Variants in GDAP2 observed in about 807,000 individuals in gnomAD.
GDAP2 encodes the protein ganglioside-induced differentiation-associated protein 2.
GDAP2 carries 51 observed loss-of-function variants against 67.0 expected under a neutral mutation model. The observed-to-expected ratio is 0.76, with a 90% CI of 0.61 to 0.96. GDAP2 has a LOEUF of 0.96. Among genes scored for constraint, GDAP2 ranks in the 40% least tolerant of loss-of-function variants. The probability of loss-of-function intolerance (pLI) is 0.00; values close to 1 mark genes in which losing one functional copy is unlikely to be tolerated. For missense variants in GDAP2, 547 were observed against 588.3 expected, an observed-to-expected ratio of 0.93 and a Z score of 0.73; for synonymous variants, 203 against 207.3, an observed-to-expected ratio of 0.98 and a Z score of 0.18.
At chr1:117,906,078 CTAACTACATA>C (rs1649646188) in intron 6 of GDAP2, among the ~76,000 whole-genome samples, 2 of 152,050 alleles carry the variant, frequency 1.3e-5, no homozygotes, top group South Asian at 4.2e-4. Context: ...TATATTAAAC[CTAACTACATA>C]TAACAAAACA....
rs1338449980 is a variant in GDAP2, at chr1:117,872,695, T to TG, written c.1447-2080dup. On this transcript the variant is annotated intron_variant, in intron 13 of 13. Transcript: ENST00000369443. ...CTTACTGGGGCCTGTTGGGGGAGGGTGGGGGGAGAGCATTAGGGGAATAAG... is the reference window on the plus strand; with the variant it reads ...CTTACTGGGGCCTGTTGGGGGAGGGTGGGGGGGAGAGCATTAGGGGAATAAG... Among the ~76,000 whole-genome samples the TG allele has an allele frequency of 3.6e-4, 20 of 55,350 alleles. No individual in the cohort carries two copies. In the East Asian group the frequency reaches 5.0e-3, roughly 14 times the overall value. The allele number at this position is 55,350 out of a possible 152,430, so 36.3% of individuals were successfully genotyped here. A position where few individuals can be genotyped will look rare whatever the true frequency, so the allele number is the denominator to read the frequency against.
In GDAP2 at chr1:117,912,009, T is replaced by C. The variant is rs1345457954; in HGVS notation, c.544A>G (p.Thr182Ala). ...AKRGYPLEDATHIALRTVRRF... is the reference protein window; with the variant it reads ...AKRGYPLEDAAHIALRTVRRF... ...TATTACTTACGAAGTGCTATGTGTG[T>C]TGCATCCTCTAAAGGATAACCACGT... Residue 182 changes from threonine (T) to alanine (A), a missense_variant, in exon 5 of 14, where the codon ACA becomes GCA. Transcript: ENST00000369443. 6.3e-7 allele frequency: 1 copy of C among 1,580,214 alleles called. No individual in the cohort carries two copies. The highest frequency in any genetic ancestry group is 1.7e-5 in the Admixed American group (1 of 59,922).
chr1:117,920,082 C>G, intron 2 of GDAP2, 100 bp downstream of exon 2: 1 of 681,810 alleles, frequency 1.5e-6, no homozygotes, highest in Non-Finnish European at 2.6e-6. Flanking sequence ...TACGTATACG[C>G]AAAGCTGTAT....
intron 5 of GDAP2, among the ~76,000 whole-genome samples, 199 bp from the exon 6 acceptor site, chr1:117,906,781 G>C (rs760122311): frequency 6.6e-6 from 1 of 152,154 alleles, no homozygotes; most frequent in South Asian, 2.1e-4. Context: ...CAGAGCAACT[G>C]TGATAGACAT....
chr1:117,919,382 A>AG (rs1365172156), intron 2 of GDAP2, among the ~76,000 whole-genome samples: 2 of 152,108 alleles, frequency 1.3e-5, no homozygotes, highest in African/African-American at 4.8e-5. Context: ...AAAAAAAAAA[A>AG]AAAGAATAAA....
intron 1 of GDAP2, among the ~76,000 whole-genome samples, chr1:117,925,144 T>C (rs1396992986): frequency 6.6e-6 from 1 of 152,168 alleles, no homozygotes; most frequent in African/African-American, 2.4e-5. Context: ...AATACATGCT[T>C]ACAGAACATT....
chr1:117,878,902 G>A lies in GDAP2; in HGVS notation c.1303-750C>T, dbSNP rs568808374. ...TCAACATACTATACAATAGTCCTAT[G>A]AGGCAGGTATGATATTGTTGCTATC... is the stretch of plus-strand genomic sequence containing the variant. On this transcript the variant is annotated intron_variant, in intron 12 of 13. Transcript: ENST00000369443. 1.1e-3 allele frequency among the ~76,000 whole-genome samples: 166 copies of A among 152,306 alleles called. 3 individuals are homozygous for A. The highest frequency in any genetic ancestry group is 1.6e-4 in the Non-Finnish European group (11 of 68,034).
Position 117,912,673 on chromosome 1 carries a change from T to C in GDAP2, c.327A>G (p.Thr109=). ...ATCCTTTTGTCAATTTTGCTTCACC[T>C]GTTCGGCACCCTGAAAACAATGGAA... The part of the protein sequence containing the change: ...EDLQKLKGCR[T]GEAKLTKGFN... The change falls in exon 4 of 14, where the codon ACA becomes ACG. Residue 109 remains threonine (T), a synonymous_variant. Transcript: ENST00000369443. 6.2e-7 allele frequency: 1 copy of C among 1,613,246 alleles called. No homozygotes were observed. The highest frequency in any genetic ancestry group is 1.1e-5 in the South Asian group (1 of 91,022).
intron 1 of GDAP2, among the ~76,000 whole-genome samples, chr1:117,927,293 G>C (rs116201652): frequency 0.01 from 1,585 of 151,932 alleles, 26 homozygotes; most frequent in African/African-American, 0.037. Flanking sequence ...TGAATAATTG[G>C]ATTGGCTAGA....
At chr1:117,923,139 C>A (rs1650316109) in intron 1 of GDAP2, among the ~76,000 whole-genome samples, 1 of 152,218 alleles carries the variant, frequency 6.6e-6, no homozygotes, top group Non-Finnish European at 1.5e-5. Flanking sequence ...CCCTGCATCG[C>A]TGTTATCCTG....
chr1:117,890,566 ATTAT>A (rs1649038761), intron 8 of GDAP2, among the ~76,000 whole-genome samples: 1 of 152,038 alleles, frequency 6.6e-6, no homozygotes, highest in Non-Finnish European at 1.5e-5. Context: ...TAGTTATATA[ATTAT>A]TTATCTTTAA....
chr1:117,912,528 A>G lies in GDAP2; in HGVS notation c.470+2T>C, dbSNP rs1357002878. 1 of 1,612,288 alleles carries G rather than the reference A, an allele frequency of 6.2e-7. No individual in the cohort carries two copies. Among genetic ancestry groups the G allele is most frequent in the Non-Finnish European group, 8.5e-7 (1 of 1,178,654 alleles). On this transcript the variant is annotated splice_donor_variant, in intron 4 of 13. Transcript: ENST00000369443. LOFTEE classifies it high-confidence loss of function. Reference sequence around the variant, plus strand: ...TATGTCCAGAAAATGAGTAGACCATACTTTGCTAGTTGAAGTACGTTTCTG... The same window carrying G: ...TATGTCCAGAAAATGAGTAGACCATGCTTTGCTAGTTGAAGTACGTTTCTG...
intron 13 of GDAP2, among the ~76,000 whole-genome samples, chr1:117,874,920 C>T (rs2093201): frequency 0.33 from 50,872 of 152,060 alleles, 10,031 homozygotes; most frequent in Non-Finnish European, 0.44. Context: ...TGGTACCCTA[C>T]GGTATCTGCT....
At position 117,864,557 on chromosome 1, in the gene GDAP2, C is replaced by T. The variant is rs1331478834; in HGVS notation, c.*6012G>A. 6.6e-6 allele frequency: 1 copy of T among 152,142 alleles called. No individual in the cohort carries two copies. The highest frequency in any genetic ancestry group is 1.5e-5 in the Non-Finnish European group (1 of 68,030). The allele number at this position is 152,142 out of a possible 1,614,324, so 9.4% of individuals were successfully genotyped here. A position where few individuals can be genotyped will look rare whatever the true frequency, so the allele number is the denominator to read the frequency against. ...TTTGTCAAAACATCACTATTTAATA[C>T]TATTTTAAATTTTATTAGTTTTATA... On this transcript the variant is annotated 3_prime_UTR_variant, in exon 14 of 14. Coordinates refer to ENST00000369443, the MANE Select transcript of GDAP2 (RefSeq NM_017686.4).
In GDAP2 at chr1:117,863,703, T is replaced by G. The variant is rs532562327; in HGVS notation, c.*6866A>C. 1 of 152,332 alleles carries G rather than the reference T, an allele frequency of 6.6e-6. No homozygotes were observed. The highest frequency in any genetic ancestry group is 1.5e-5 in the Non-Finnish European group (1 of 68,022). 9.4% of individuals were successfully genotyped at this position (152,332 alleles called of 1,614,324 possible). A position where few individuals can be genotyped will look rare whatever the true frequency, so the allele number is the denominator to read the frequency against. ...AGCAATTTACATTGATATTCTATAT[T>G]TAAATTATGTTTTATAAAAGCATGC... On this transcript the variant is annotated 3_prime_UTR_variant, in exon 14 of 14. Coordinates refer to ENST00000369443, the MANE Select transcript of GDAP2 (RefSeq NM_017686.4).
chr1:117,918,499 C>T (rs2101163733), intron 3 of GDAP2, 98 bp downstream of exon 3: 1 of 821,940 alleles, frequency 1.2e-6, no homozygotes, highest in East Asian at 2.6e-5. Context: ...AAAACAGCTA[C>T]ATCTACAAAA....
intron 5 of GDAP2, among the ~76,000 whole-genome samples, chr1:117,908,641 C>T (rs1420406935): frequency 6.6e-6 from 1 of 151,896 alleles, no homozygotes; most frequent in Admixed American, 6.6e-5. Context: ...GGCAACATAG[C>T]GAGACCCTGT....
chr1:117,919,112 T>C (rs2359599), intron 2 of GDAP2, among the ~76,000 whole-genome samples: 2,301 of 152,292 alleles, frequency 0.015, 83 homozygotes, highest in Admixed American at 0.09. Context: ...CGGTGGCTCA[T>C]GCCTGTAATT....
At chr1:117,884,526 G>C (rs1472258884) in intron 10 of GDAP2, among the ~76,000 whole-genome samples, 1 of 152,112 alleles carries the variant, frequency 6.6e-6, no homozygotes, top group African/African-American at 2.4e-5. Context: ...ACTGCTACTA[G>C]AGCAGATAGA....
Sources: allele counts gnomAD v4.1 joint callset (sites outside exome capture counted in the v4.1 genomes callset), GRCh38; gene constraint gnomAD v4.1.1; transcripts MANE v1.5; gene names NCBI Gene and HGNC (gene_info 2026-07-23, HGNC 2026-07-21).